Variants in DPP10 observed in about 807,000 individuals in gnomAD.
DPP10 encodes dipeptidyl peptidase like 10.
DPP10 carries 33 observed loss-of-function variants against 120.9 expected under a neutral mutation model. The ratio of observed to expected loss-of-function variants is 0.27; its 90% CI spans 0.21 to 0.37. The LOEUF (loss-of-function observed/expected upper bound fraction) is 0.37, where lower values mean the gene tolerates loss of function less well. Ranked by LOEUF, DPP10 falls within the 10% of genes least tolerant of loss-of-function variation. DPP10 has a pLI of 1.00. For missense variants in DPP10, 816 were observed against 942.8 expected (o/e 0.87, Z 1.76); for synonymous variants, 337 against 326.1 (o/e 1.03, Z -0.36).
chr2:115,127,678 AT>A (rs1178747608), intron 1 of DPP10, among the ~76,000 whole-genome samples: 2 of 152,324 alleles, frequency 1.3e-5, no homozygotes, highest in East Asian at 3.9e-4. Flanking sequence ...TTAATTTGTA[AT>A]GTTGTCTGTG....
intron 3 of DPP10, among the ~76,000 whole-genome samples, chr2:115,356,446 A>G (rs1812951): frequency 0.46 from 69,352 of 151,750 alleles, 16,766 homozygotes; most frequent in Non-Finnish European, 0.55. Flanking sequence ...CAGCTTAAGG[A>G]GTTTTGGGCT....
intron 5 of DPP10, among the ~76,000 whole-genome samples, chr2:115,530,509 A>T (rs1209744589): frequency 6.6e-6 from 1 of 151,956 alleles, no homozygotes; most frequent in Admixed American, 6.6e-5. Context: ...GTGAAATGCC[A>T]TCTCCACAAA....
chr2:114,987,214 T>A (rs1002156953), intron 1 of DPP10, among the ~76,000 whole-genome samples: 7 of 152,274 alleles, frequency 4.6e-5, no homozygotes, highest in Admixed American at 4.6e-4. Context: ...CTAGAAAAGT[T>A]ATATACCAAA....
intron 1 of DPP10, among the ~76,000 whole-genome samples, chr2:114,709,719 A>C (rs886199158): frequency 6.6e-6 from 1 of 152,218 alleles, no homozygotes; most frequent in Non-Finnish European, 1.5e-5. Flanking sequence ...CAAAAATACA[A>C]ATTTATAATT....
intron 11 of DPP10, among the ~76,000 whole-genome samples, chr2:115,760,257 C>T (rs1024870268): frequency 1.5e-4 from 23 of 152,120 alleles, no homozygotes; most frequent in African/African-American, 1.9e-4. Context: ...AATACTGATA[C>T]GCTCAACAAT....
chr2:114,864,730 A>T (rs868737758), intron 1 of DPP10, among the ~76,000 whole-genome samples: 1 of 152,198 alleles, frequency 6.6e-6, no homozygotes, highest in African/African-American at 2.4e-5. Context: ...ATTCAGAGGG[A>T]TATATTATGA....
intron 3 of DPP10, among the ~76,000 whole-genome samples, chr2:115,431,729 G>A (rs1410568974): frequency 6.6e-6 from 1 of 151,980 alleles, no homozygotes; most frequent in Non-Finnish European, 1.5e-5. Context: ...AGCTTGCCCC[G>A]AATGCACACC....
chr2:115,547,341 A>G (rs560259248), intron 5 of DPP10, among the ~76,000 whole-genome samples: 1 of 152,224 alleles, frequency 6.6e-6, no homozygotes. Flanking sequence ...GATTTGTGCA[A>G]AAGTCACTTT....
Position 114,727,539 on chromosome 2 carries a change from T to C in DPP10, c.60+284701T>C, listed in dbSNP as rs908407995. 2.6e-5 allele frequency among the ~76,000 whole-genome samples: 4 copies of C among 152,182 alleles called. No homozygotes were observed. In the East Asian group the frequency reaches 5.8e-4, roughly 22 times the overall value. ...GAGGCACTGTTCCTGGGCCAACATG[T>C]TGCCCAAACCACTGGCCTCCATTGG... On this transcript the variant is annotated intron_variant, in intron 1 of 25. Transcript: ENST00000410059.
chr2:115,379,062 C>G (rs1486787725), intron 3 of DPP10, among the ~76,000 whole-genome samples: 1 of 152,182 alleles, frequency 6.6e-6, no homozygotes, highest in East Asian at 1.9e-4. Flanking sequence ...TGATGCTGGC[C>G]TCATAAAATG....
intron 1 of DPP10, among the ~76,000 whole-genome samples, chr2:114,458,099 A>G (rs1008311464): frequency 1.3e-5 from 2 of 151,916 alleles, no homozygotes; most frequent in African/African-American, 4.9e-5. Context: ...CCATTTCATC[A>G]TCCATTCCTG....
chr2:115,255,592 C>T (rs2058949003), intron 1 of DPP10, among the ~76,000 whole-genome samples: 1 of 152,168 alleles, frequency 6.6e-6, no homozygotes, highest in Admixed American at 6.5e-5. Context: ...AACTTTTACG[C>T]TCTGCTTCCT....
chr2:115,174,220 G>T (rs553011524), intron 1 of DPP10, among the ~76,000 whole-genome samples: 1 of 152,154 alleles, frequency 6.6e-6, no homozygotes, highest in Non-Finnish European at 1.5e-5. Context: ...AGGAAGACCC[G>T]TTCCAGATCA....
chr2:115,533,196 A>T (rs1207002967), intron 5 of DPP10, among the ~76,000 whole-genome samples: 1 of 152,074 alleles, frequency 6.6e-6, no homozygotes, highest in East Asian at 1.9e-4. Flanking sequence ...TTTCAGCAGA[A>T]TTAGAGCTGT....
chr2:115,297,487 C>G (rs988734473), intron 1 of DPP10, among the ~76,000 whole-genome samples: 4 of 151,690 alleles, frequency 2.6e-5, no homozygotes, highest in Non-Finnish European at 5.9e-5. Flanking sequence ...CTAAAAGTAA[C>G]TTCAAGATGA....
chr2:114,972,685 A>G (rs1699475523), intron 1 of DPP10, among the ~76,000 whole-genome samples: 1 of 152,206 alleles, frequency 6.6e-6, no homozygotes, highest in African/African-American at 2.4e-5. Flanking sequence ...CTTTGTATAT[A>G]TCTAAAAGCT....
At chr2:115,819,909 G>T (rs1355304497) in intron 21 of DPP10, among the ~76,000 whole-genome samples, 1 of 152,174 alleles carries the variant, frequency 6.6e-6, no homozygotes, top group Non-Finnish European at 1.5e-5. Context: ...CAGGAGAATC[G>T]CTTGAACCCA....
intron 1 of DPP10, among the ~76,000 whole-genome samples, chr2:115,165,964 G>T (rs1385735618): frequency 6.6e-6 from 1 of 152,088 alleles, no homozygotes. Context: ...TCTTACAATT[G>T]AACGTGAAGC....
intron 1 of DPP10, among the ~76,000 whole-genome samples, chr2:115,188,385 G>T (rs2054622429): frequency 6.6e-6 from 1 of 152,062 alleles, no homozygotes; most frequent in Non-Finnish European, 1.5e-5. Flanking sequence ...GGATCTTTCT[G>T]TATAAAGAAG....
Sources: allele counts gnomAD v4.1 joint callset (sites outside exome capture counted in the v4.1 genomes callset), GRCh38; gene constraint gnomAD v4.1.1; transcripts MANE v1.5; gene names NCBI Gene and HGNC (gene_info 2026-07-23, HGNC 2026-07-21).